Variants in TYW3 observed in about 807,000 individuals in gnomAD.
TYW3 encodes tRNA-yW synthesizing protein 3 homolog.
TYW3 carries 26 observed loss-of-function variants against 23.1 expected under a neutral mutation model. The observed-to-expected ratio is 1.13, with a 90% CI of 0.83 to 1.56. TYW3 has a LOEUF of 1.56. TYW3 is among the 40% of genes most tolerant of loss of function. TYW3 has a pLI of 0.00. For missense variants in TYW3, 316 were observed against 311.9 expected (o/e 1.01, Z -0.10); for synonymous variants, 102 against 105.7 (o/e 0.97, Z 0.21).
intron 1 of TYW3, among the ~76,000 whole-genome samples, chr1:74,734,697 G>A (rs376153037): frequency 3.3e-5 from 5 of 152,276 alleles, no homozygotes; most frequent in East Asian, 3.9e-4. Context: ...AAAACCACGG[G>A]CTATGTGACC....
Position 74,764,090 on chromosome 1 carries a change from A to C in TYW3, c.757A>C (p.Thr253Pro), listed in dbSNP as rs777719889. The C allele has an allele frequency of 6.2e-7, 1 of 1,611,468 alleles. No individual in the cohort carries two copies. Among genetic ancestry groups the C allele is most frequent in the South Asian group, 1.1e-5 (1 of 90,398 alleles). The part of the protein sequence containing the change: ...DDDDDLGINV[T>P]IFPEDY ...TGATGATGATCTAGGAATCAATGTT[A>C]CCATCTTCCCTGAAGATTACTAAGC... The change falls in exon 6 of 6, where the codon ACC (threonine) becomes CCC (proline). Residue 253 changes from threonine (T) to proline (P), a missense_variant. Transcript: ENST00000370867.
intron 2 of TYW3, among the ~76,000 whole-genome samples, chr1:74,737,887 C>T (rs1233728102): frequency 1.3e-5 from 2 of 152,122 alleles, no homozygotes; most frequent in South Asian, 4.1e-4. Context: ...GTGTCAGTCC[C>T]CATGGCTAGC....
chr1:74,743,213 C>T (rs1390285384), intron 3 of TYW3, among the ~76,000 whole-genome samples: 3 of 152,242 alleles, frequency 2.0e-5, no homozygotes, highest in East Asian at 3.9e-4. Context: ...CAAGCCCCAC[C>T]GGGTGATTGG....
chr1:74,763,848 C>A, intron 5 of TYW3, 46 bp from the exon 6 acceptor site: 5 of 1,461,838 alleles, frequency 3.4e-6, no homozygotes, highest in South Asian at 1.3e-5. Flanking sequence ...TCAGTCATTT[C>A]GTTTCAGTAC....
rs1370041336 is a variant in TYW3, at chr1:74,758,118, G to T, written c.560+5693G>T. ...GTAAGAATTTCTGTTGTATCACTTT[G>T]CTGCTTTTCTTCCTGCTTGTGATGT... On this transcript the variant is annotated intron_variant, in intron 5 of 5. Coordinates refer to ENST00000370867, the MANE Select transcript of TYW3 (RefSeq NM_138467.3). Among the ~76,000 whole-genome samples, 6 of 152,268 alleles carry T rather than the reference G, an allele frequency of 3.9e-5. No homozygotes were observed. In the South Asian group the frequency reaches 6.2e-4, roughly 16 times the overall value.
In TYW3 at chr1:74,733,256, C is replaced by A. The variant is rs1647964713; in HGVS notation, c.12C>A (p.Ser4Arg). The change falls in exon 1 of 6, where the codon AGC becomes AGA. Residue 4 changes from serine (S) to arginine (R), a missense_variant. Ser to Arg is a moderately radical substitution (Grantham distance 110). Transcript: ENST00000370867. Reference sequence around the variant, plus strand: ...TGAGTCCGTCACCCATGGATCGCAGCGCGGAGTTCAGGAAATGGAAGGCGC... The same window carrying A: ...TGAGTCCGTCACCCATGGATCGCAGAGCGGAGTTCAGGAAATGGAAGGCGC... MDR[S>R]AEFRKWKAQC... The A allele has an allele frequency of 3.1e-6, 5 of 1,614,022 alleles. No homozygotes were observed. Among genetic ancestry groups the A allele is most frequent in the Non-Finnish European group, 4.2e-6 (5 of 1,179,952 alleles).
chr1:74,759,360 CTTTCT>C (rs1363365426), intron 5 of TYW3, among the ~76,000 whole-genome samples: 13 of 149,242 alleles, frequency 8.7e-5, no homozygotes, highest in South Asian at 2.1e-4. Context: ...ATTTTTCTTT[CTTTCT>C]TTTCTTTTCT....
rs1029990264 is a variant in TYW3 at position 74,751,719 on chromosome 1, A to T, written c.427-573A>T. Reference sequence around the variant, plus strand: ...GGAGTGAATTTTTATTCTCATAATAATTTTTATAGACCTTGTATGGTTGTT... The same window carrying T: ...GGAGTGAATTTTTATTCTCATAATATTTTTTATAGACCTTGTATGGTTGTT... On this transcript the variant is annotated intron_variant, in intron 4 of 5. Coordinates refer to ENST00000370867, the MANE Select transcript of TYW3 (RefSeq NM_138467.3). 1.6e-4 allele frequency among the ~76,000 whole-genome samples: 25 copies of T among 152,114 alleles called. 1 individual carries two copies. The East Asian group carries it at 1.9e-3, about 12-fold the overall frequency.
chr1:74,738,560 A>T, intron 2 of TYW3, 130 bp from the exon 3 acceptor site: 1 of 516,384 alleles, frequency 1.9e-6, no homozygotes, highest in Non-Finnish European at 3.2e-6. Flanking sequence ...CAGAGGGAAA[A>T]GTTACTGCAG....
chr1:74,748,746 T>TA lies in TYW3; in HGVS notation c.355-4dup, dbSNP rs767688848. 6.2e-7 allele frequency: 1 copy of TA among 1,613,882 alleles called. No homozygotes were observed. The highest frequency in any genetic ancestry group is 1.7e-5 in the Admixed American group (1 of 60,028). On this transcript the variant is annotated splice_region_variant and splice_polypyrimidine_tract_variant and intron_variant, in intron 3 of 5. Coordinates refer to ENST00000370867, the MANE Select transcript of TYW3 (RefSeq NM_138467.3). ...CAAAATGTAACAAGTTTTATTTTCTTACAGCATTCCATGGCAATAGATTCT... is the reference window on the plus strand; with the variant it reads ...CAAAATGTAACAAGTTTTATTTTCTTAACAGCATTCCATGGCAATAGATTCT...
Position 74,763,894 on chromosome 1 carries a change from G to A in TYW3, c.561G>A (p.Arg187=). 1 of 1,590,326 alleles carries A rather than the reference G, an allele frequency of 6.3e-7. No homozygotes were observed. The highest frequency in any genetic ancestry group is 8.5e-7 in the Non-Finnish European group (1 of 1,173,958). Residue 187 remains arginine, a splice_region_variant and synonymous_variant, in exon 6 of 6, where the codon AGG becomes AGA. Transcript: ENST00000370867. The part of the protein sequence containing the change: ...KMEENKKRIE[R]FYNCLQHALE... The stretch of plus-strand genomic sequence containing the variant: ...AATAGTAGTACTTATTTCTTCACAG[G>A]TTTTACAACTGCCTACAGCATGCTT...
At chr1:74,763,829 T>C in intron 5 of TYW3, 65 bp from the exon 6 acceptor site, 6 of 1,248,404 alleles carry the variant, frequency 4.8e-6, no homozygotes, top group Non-Finnish European at 6.7e-6. Context: ...TATAAGCTCT[T>C]GGTGTATTTC....
intron 4 of TYW3, among the ~76,000 whole-genome samples, chr1:74,749,827 G>A (rs558917020): frequency 3.3e-5 from 5 of 152,066 alleles, no homozygotes; most frequent in Admixed American, 1.3e-4. Context: ...GTGGTGGTGC[G>A]TAGCTGTGGT....
intron 3 of TYW3, among the ~76,000 whole-genome samples, chr1:74,747,864 TACATAC>T (rs1648637013): frequency 3.1e-5 from 4 of 130,336 alleles, no homozygotes; most frequent in East Asian, 3.9e-4. Context: ...TATGTATGTA[TACATAC>T]ACATACACAC....
In TYW3 at chr1:74,744,231, A is replaced by G. The variant is rs544088247; in HGVS notation, c.355-4520A>G. On this transcript the variant is annotated intron_variant, in intron 3 of 5. Coordinates refer to ENST00000370867, the MANE Select transcript of TYW3 (RefSeq NM_138467.3). ...TTGCATAGTTGTGTATTCTCCTTCA[A>G]TGAAAAGAAAGCTTGGACATAAGAT... Among the ~76,000 whole-genome samples the G allele has an allele frequency of 1.3e-3, 192 of 152,272 alleles. 2 individuals are homozygous for G. The highest frequency in any genetic ancestry group is 4.3e-3 in the African/African-American group (179 of 41,568).
At chr1:74,736,695 A>G in intron 2 of TYW3, 73 bp downstream of exon 2, 1 of 1,221,554 alleles carries the variant, frequency 8.2e-7, no homozygotes, top group Non-Finnish European at 1.2e-6. Flanking sequence ...ACAAGAATAG[A>G]AAATTCAAGG....
rs544417211 is a variant in TYW3 at position 74,736,416 on chromosome 1, T to G, written c.175-126T>G. The G allele has an allele frequency of 1.3e-4, 80 of 605,364 alleles. No homozygotes were observed. In the African/African-American group the frequency reaches 1.3e-3, roughly 10 times the overall value. The allele number at this position is 605,364 out of a possible 1,614,324, so 37.5% of individuals were successfully genotyped here. On this transcript the variant is annotated intron_variant, in intron 1 of 5. Transcript: ENST00000370867. ...TACCCAAAAACATACCGAATTGTTTTTATTAATACTTAAAATCCTGACTTG... is the reference window on the plus strand; with the variant it reads ...TACCCAAAAACATACCGAATTGTTTGTATTAATACTTAAAATCCTGACTTG...
intron 3 of TYW3, among the ~76,000 whole-genome samples, chr1:74,748,291 A>G (rs1648658611): frequency 6.6e-6 from 1 of 152,132 alleles, no homozygotes; most frequent in Non-Finnish European, 1.5e-5. Flanking sequence ...ATAACTTACA[A>G]AGTCACCTCA....
Position 74,738,778 on chromosome 1 carries a change from C to T in TYW3, c.344C>T (p.Ala115Val). 1.2e-6 allele frequency: 2 copies of T among 1,608,094 alleles called. No homozygotes were observed. Among genetic ancestry groups the T allele is most frequent in the South Asian group, 2.2e-5 (2 of 90,468 alleles). ...GTGCAGTGTCGACAATTGCAGGATG[C>T]ACAGATTCTGGTAAAATTTTGTTGT... ...LHVQCRQLQD[A>V]QILHSMAIDS... Residue 115 changes from alanine to valine, a missense_variant, in exon 3 of 6, where the codon GCA (alanine) becomes GTA (valine). Ala to Val is a moderately conservative substitution (Grantham distance 64). Transcript: ENST00000370867.
Sources: gnomAD v4.1 joint callset for allele counts (sites outside exome capture counted in the v4.1 genomes callset) on GRCh38, gnomAD v4.1.1 for gene constraint, MANE v1.5 for transcripts, NCBI Gene and HGNC (gene_info 2026-07-23, HGNC 2026-07-21) for gene names.